TCF12: variants seen among roughly 807,000 people sequenced by gnomAD.
TCF12 encodes the protein DNA-binding protein HTF4.
Under a neutral mutation model 86.0 loss-of-function variants are expected in TCF12, and 45 were observed. That is an observed-to-expected ratio of 0.52 (90% CI 0.41 to 0.67). The LOEUF (loss-of-function observed/expected upper bound fraction) is 0.67. Ranked by LOEUF, TCF12 falls within the 30% of genes least tolerant of loss-of-function variation. The pLI, the probability that TCF12 is intolerant of heterozygous loss-of-function variation, is 0.00. For synonymous variants in TCF12, 330 were observed against 299.6 expected (o/e 1.10, Z -1.05); for missense variants, 881 against 859.9 (o/e 1.02, Z -0.31).
At chr15:57,164,084 C>T (rs1216586714) in intron 5 of TCF12, among the ~76,000 whole-genome samples, 1 of 152,148 alleles carries the variant, frequency 6.6e-6, no homozygotes, top group Non-Finnish European at 1.5e-5. Context: ...CATGTCAAAG[C>T]ACCATGTTTG....
chr15:56,972,321 A>T (rs1322347150), intron 3 of TCF12, among the ~76,000 whole-genome samples: 1 of 152,268 alleles, frequency 6.6e-6, no homozygotes, highest in Non-Finnish European at 1.5e-5. Context: ...TGCTTCCAGC[A>T]ATAAAATAAT....
chr15:57,207,944 T>C (rs988306450), intron 8 of TCF12, among the ~76,000 whole-genome samples: 21 of 151,910 alleles, frequency 1.4e-4, no homozygotes, highest in Non-Finnish European at 2.6e-4. Context: ...AATCAACAAA[T>C]ATATACTAAG....
At chr15:57,220,798 G>A (rs1566936038) in intron 8 of TCF12, among the ~76,000 whole-genome samples, 1 of 151,982 alleles carries the variant, frequency 6.6e-6, no homozygotes, top group Non-Finnish European at 1.5e-5. Context: ...AACAGTGTTG[G>A]TTTATGTCAG....
chr15:57,079,789 G>A (rs2070468597), intron 4 of TCF12, among the ~76,000 whole-genome samples: 1 of 152,256 alleles, frequency 6.6e-6, no homozygotes, highest in Middle Eastern at 3.4e-3. Flanking sequence ...TTACAAAAGT[G>A]CTATGGAAAT....
chr15:57,035,952 G>A (rs898826474), intron 3 of TCF12, among the ~76,000 whole-genome samples: 2 of 152,318 alleles, frequency 1.3e-5, no homozygotes. Context: ...ATTGTGAACT[G>A]TACGTGTGGG....
At chr15:57,200,596 CT>C (rs1396587693) in intron 8 of TCF12, among the ~76,000 whole-genome samples, 1 of 152,106 alleles carries the variant, frequency 6.6e-6, no homozygotes, top group Non-Finnish European at 1.5e-5. Context: ...ATATATGTGA[CT>C]TTTTCTAAAG....
At chr15:56,926,889 C>T (rs1336356680) in intron 3 of TCF12, among the ~76,000 whole-genome samples, 1 of 151,976 alleles carries the variant, frequency 6.6e-6, no homozygotes, top group Non-Finnish European at 1.5e-5. Flanking sequence ...AGAATAGTGC[C>T]TAGCACATAG....
chr15:57,078,833 C>T (rs138030347), intron 4 of TCF12, among the ~76,000 whole-genome samples: 7 of 152,216 alleles, frequency 4.6e-5, no homozygotes, highest in East Asian at 1.9e-4. Context: ...AAATCCATTT[C>T]GGTTATTGCT....
downstream of TCF12, chr15:57,290,708 G>C (rs2062062473): frequency 6.6e-6 from 1 of 152,190 alleles, no homozygotes; most frequent in African/African-American, 2.4e-5. Flanking sequence ...CAAAGTATCA[G>C]TGTCCCTGTT....
intron 5 of TCF12, among the ~76,000 whole-genome samples, chr15:57,165,025 G>A (rs1193794320): frequency 3.3e-5 from 5 of 152,142 alleles, no homozygotes; most frequent in Non-Finnish European, 5.9e-5. Context: ...ATAAATGGGC[G>A]TGGTGACTTC....
intron 5 of TCF12, among the ~76,000 whole-genome samples, chr15:57,104,424 A>C (rs1051174392): frequency 1.3e-4 from 15 of 114,952 alleles, no homozygotes; most frequent in Middle Eastern, 0.01. Context: ...ACAAGAATAA[A>C]TTTTTTTTTT....
chr15:57,025,935 A>C (rs1278562700), intron 3 of TCF12, among the ~76,000 whole-genome samples: 1 of 152,228 alleles, frequency 6.6e-6, no homozygotes, highest in Non-Finnish European at 1.5e-5. Context: ...AGGCATGTTT[A>C]GGATTTGAGC....
intron 13 of TCF12, among the ~76,000 whole-genome samples, chr15:57,249,654 A>G (rs964137376): frequency 5.9e-5 from 9 of 152,140 alleles, no homozygotes; most frequent in Non-Finnish European, 1.0e-4. Context: ...ATTTACCTCA[A>G]GTTTTTCTAA....
intron 5 of TCF12, among the ~76,000 whole-genome samples, chr15:57,130,138 A>T (rs1415743537): frequency 1.3e-5 from 2 of 152,240 alleles, no homozygotes; most frequent in Non-Finnish European, 2.9e-5. Context: ...TGTTTTCCTT[A>T]CACTTTGACC....
At chr15:56,976,591 G>A (rs1465174350) in intron 3 of TCF12, among the ~76,000 whole-genome samples, 2 of 151,878 alleles carry the variant, frequency 1.3e-5, no homozygotes, top group African/African-American at 4.8e-5. Flanking sequence ...TTGTATTTAA[G>A]CCCTAATAAA....
At chr15:56,978,936 T>TTTTG (rs1411557053) in intron 3 of TCF12, among the ~76,000 whole-genome samples, 1 of 152,220 alleles carries the variant, frequency 6.6e-6, no homozygotes, top group African/African-American at 2.4e-5. Flanking sequence ...GAATTTTTAA[T>TTTTG]TTTAATTATG....
chr15:57,062,178 G>A (rs538323360), intron 3 of TCF12, among the ~76,000 whole-genome samples: 2 of 151,978 alleles, frequency 1.3e-5, no homozygotes, highest in African/African-American at 2.4e-5. Context: ...GGATGGTCTC[G>A]ATCTCCTGAC....
intron 3 of TCF12, among the ~76,000 whole-genome samples, chr15:57,050,817 T>G (rs1234370485): frequency 6.6e-6 from 1 of 152,234 alleles, no homozygotes; most frequent in Non-Finnish European, 1.5e-5. Context: ...CAGTGAAATT[T>G]TCATTTCAGA....
Position 57,093,808 on chromosome 15 carries a change from A to G in TCF12, c.325+1917A>G, listed in dbSNP as rs144157123. On this transcript the variant is annotated intron_variant, in intron 5 of 20. Coordinates refer to ENST00000333725, the MANE Select transcript of TCF12 (RefSeq NM_207037.2). ...AAAAAAAGTCTTGAAGTAAATAAAT[A>G]TTTGTAAGTAGATTGATCTCTTAAT... Among the ~76,000 whole-genome samples the G allele has an allele frequency of 1.5e-3, 228 of 152,318 alleles. 1 individual carries two copies. Among genetic ancestry groups the G allele is most frequent in the African/African-American group, 5.4e-3 (224 of 41,572 alleles).
Sources: allele counts gnomAD v4.1 joint callset (sites outside exome capture counted in the v4.1 genomes callset), GRCh38; gene constraint gnomAD v4.1.1; transcripts MANE v1.5; gene names NCBI Gene and HGNC (gene_info 2026-07-23, HGNC 2026-07-21).